DDX46: variants seen among roughly 807,000 people sequenced by gnomAD.
DDX46 encodes the protein DEAD-box helicase 46, also known as probable ATP-dependent RNA helicase DDX46.
DDX46 carries 30 observed loss-of-function variants against 134.9 expected under a neutral mutation model. That is an observed-to-expected ratio of 0.22 (90% CI 0.17 to 0.30). The LOEUF is 0.30. Ranked by LOEUF, DDX46 falls within the 10% of genes least tolerant of loss-of-function variation. DDX46 has a pLI of 1.00. For synonymous variants in DDX46, 415 were observed against 404.1 expected (o/e 1.03, Z -0.32); for missense variants, 622 against 1,248.7 (o/e 0.50, Z 7.56).
At chr5:134,825,689 A>G (rs1311275159) in intron 21 of DDX46, 2 of 152,148 alleles carry the variant, frequency 1.3e-5, no homozygotes, top group African/African-American at 4.8e-5. Flanking sequence ...TATGGTGTCT[A>G]TCTGTACTTA....
At chr5:134,760,625 A>AG (rs1202923489) in intron 1 of DDX46, among the ~76,000 whole-genome samples, 2 of 152,248 alleles carry the variant, frequency 1.3e-5, no homozygotes, top group Non-Finnish European at 1.5e-5. Context: ...AGAATCTCCT[A>AG]GGTAGATATG....
intron 1 of DDX46, among the ~76,000 whole-genome samples, chr5:134,762,801 A>G (rs1055245505): frequency 2.7e-5 from 4 of 150,288 alleles, no homozygotes; most frequent in Non-Finnish European, 5.9e-5. Context: ...CCAAGCCTGT[A>G]ATCCCAGCAC....
At chr5:134,817,451 T>C (rs1488080160) in intron 19 of DDX46, 45 bp from the exon 20 acceptor site, 2 of 1,583,620 alleles carry the variant, frequency 1.3e-6, no homozygotes, top group Non-Finnish European at 1.7e-6. Context: ...CCTACTCTTG[T>C]CTCTGCCCTC....
intron 13 of DDX46, among the ~76,000 whole-genome samples, chr5:134,793,950 T>C (rs1202652629): frequency 6.6e-6 from 1 of 152,174 alleles, no homozygotes; most frequent in Admixed American, 6.6e-5. Flanking sequence ...TGTTTTTTAA[T>C]CTCCTAGTAT....
chr5:134,762,049 G>A (rs1753402883), intron 1 of DDX46, among the ~76,000 whole-genome samples: 1 of 151,900 alleles, frequency 6.6e-6, no homozygotes, highest in African/African-American at 2.4e-5. Context: ...CTTGAGCCCA[G>A]GAGTTTGAGA....
chr5:134,800,213 G>C (rs1754785936), intron 15 of DDX46, among the ~76,000 whole-genome samples: 1 of 152,208 alleles, frequency 6.6e-6, no homozygotes, highest in Admixed American at 6.5e-5. Flanking sequence ...CTTCCAAAGT[G>C]CTGGGGTTAC....
intron 12 of DDX46, chr5:134,789,211 G>A (rs976685133): frequency 1.3e-5 from 2 of 152,164 alleles, no homozygotes; most frequent in African/African-American, 4.8e-5. Flanking sequence ...CTTCTGTGGA[G>A]AAAGGCCCTT....
At chr5:134,819,144 T>C (rs1755371910) in intron 21 of DDX46, 140 bp downstream of exon 21, 1 of 877,786 alleles carries the variant, frequency 1.1e-6, no homozygotes, top group Non-Finnish European at 1.6e-6. Flanking sequence ...CTTATGACAT[T>C]TGAGGTCTTT....
At chr5:134,764,509 C>G (rs1753497867) in intron 2 of DDX46, among the ~76,000 whole-genome samples, 1 of 152,130 alleles carries the variant, frequency 6.6e-6, no homozygotes, top group Non-Finnish European at 1.5e-5. Flanking sequence ...TCTCGATCTC[C>G]TGGCCTCATG....
intron 16 of DDX46, 34 bp downstream of exon 16, chr5:134,807,975 A>G (rs1385243607): frequency 2.6e-6 from 4 of 1,550,774 alleles, no homozygotes; most frequent in Middle Eastern, 1.9e-4. Flanking sequence ...GATCTTCATT[A>G]TATTAAAATA....
At chr5:134,782,283 A>G (rs577302107) in intron 8 of DDX46, among the ~76,000 whole-genome samples, 197 bp downstream of exon 8, 5 of 152,192 alleles carry the variant, frequency 3.3e-5, no homozygotes, top group African/African-American at 1.2e-4. Flanking sequence ...AGGTGGGCGG[A>G]TTGTCTGAGC....
At chr5:134,809,849 A>AG (rs1278605544) in intron 16 of DDX46, among the ~76,000 whole-genome samples, 2 of 151,976 alleles carry the variant, frequency 1.3e-5, no homozygotes, top group African/African-American at 4.8e-5. Flanking sequence ...TTTCTACTAA[A>AG]ATAAAAATAA....
chr5:134,795,204 G>GTTCTTTTTT (rs1754615844), intron 14 of DDX46, among the ~76,000 whole-genome samples, 190 bp downstream of exon 14: 1 of 125,754 alleles, frequency 8.0e-6, no homozygotes, highest in African/African-American at 3.0e-5. Flanking sequence ...TAAAATGCTT[G>GTTCTTTTTT]TTTTTTTTTT....
At chr5:134,783,874 G>T (rs1754249365) in intron 9 of DDX46, among the ~76,000 whole-genome samples, 1 of 145,240 alleles carries the variant, frequency 6.9e-6, no homozygotes, top group Admixed American at 6.9e-5. Flanking sequence ...TTTAAGAGAT[G>T]GGGTGTCGCT....
chr5:134,759,202 G>C (rs1232385486), intron 1 of DDX46, among the ~76,000 whole-genome samples: 1 of 152,238 alleles, frequency 6.6e-6, no homozygotes, highest in African/African-American at 2.4e-5. Flanking sequence ...CCTCCAGGAC[G>C]TTAGTGATTG....
intron 5 of DDX46, among the ~76,000 whole-genome samples, chr5:134,775,985 C>G (rs1291903030): frequency 2.0e-5 from 3 of 152,150 alleles, no homozygotes; most frequent in Admixed American, 2.0e-4. Flanking sequence ...CTAAGCATTA[C>G]CTGCTTACTG....
At chr5:134,816,893 TTC>T (rs1393332619) in intron 19 of DDX46, 1 of 285,830 alleles carries the variant, frequency 3.5e-6, no homozygotes, top group African/African-American at 2.2e-5. Context: ...GTATTAATAA[TTC>T]TCTTTTTCTT....
chr5:134,788,634 C>G, intron 12 of DDX46, 43 bp downstream of exon 12: 1 of 1,551,734 alleles, frequency 6.4e-7, no homozygotes, highest in Non-Finnish European at 8.8e-7. Context: ...TTTTTGAATT[C>G]TTTACTTTTT....
chr5:134,779,674 A>G (rs1754071427), intron 6 of DDX46, among the ~76,000 whole-genome samples: 1 of 151,098 alleles, frequency 6.6e-6, no homozygotes, highest in Admixed American at 6.6e-5. Flanking sequence ...AATTGTTTAT[A>G]GAGATGGAAT....
Sources: gnomAD v4.1 joint callset for allele counts (sites outside exome capture counted in the v4.1 genomes callset) on GRCh38, gnomAD v4.1.1 for gene constraint, MANE v1.5 for transcripts, NCBI Gene and HGNC (gene_info 2026-07-23, HGNC 2026-07-21) for gene names.